ASTN2: variants seen among roughly 807,000 people sequenced by gnomAD.
ASTN2 encodes the protein astrotactin 2, also known as astrotactin-2.
In ASTN2, 54 loss-of-function variants were observed where a neutral mutation model predicts 139.8. The ratio of observed to expected loss-of-function variants is 0.39; its 90% CI spans 0.31 to 0.48. ASTN2 has a LOEUF of 0.48. ASTN2 is among the 20% of genes least tolerant of loss of function. The pLI, the probability that ASTN2 is intolerant of heterozygous loss-of-function variation, is 0.95. For synonymous variants in ASTN2, 756 were observed against 719.5 expected, an observed-to-expected ratio of 1.05 and a Z score of -0.81; for missense variants, 1,565 against 1,725.1, an observed-to-expected ratio of 0.91 and a Z score of 1.64.
chr9:117,174,346 A>G (rs1314770596), intron 3 of ASTN2, among the ~76,000 whole-genome samples: 1 of 152,030 alleles, frequency 6.6e-6, no homozygotes, highest in African/African-American at 2.4e-5. Flanking sequence ...GAAAATAACA[A>G]ATACTAAAAC....
chr9:117,059,796 A>C (rs973572850), intron 5 of ASTN2, among the ~76,000 whole-genome samples: 8 of 152,100 alleles, frequency 5.3e-5, no homozygotes, highest in Admixed American at 4.6e-4. Context: ...TTATTCTCTA[A>C]TCAACAAATA....
intron 19 of ASTN2, among the ~76,000 whole-genome samples, chr9:116,616,464 T>C (rs1261564237): frequency 6.6e-6 from 1 of 152,206 alleles, no homozygotes; most frequent in Non-Finnish European, 1.5e-5. Context: ...GAACAAGCAC[T>C]GTGCTGGGCA....
chr9:116,450,280 G>A (rs1457189609), intron 20 of ASTN2, among the ~76,000 whole-genome samples: 1 of 152,130 alleles, frequency 6.6e-6, no homozygotes, highest in African/African-American at 2.4e-5. Flanking sequence ...TCACAGCATC[G>A]TCAAGGCCTA....
chr9:117,185,912 T>C (rs1459146468), intron 3 of ASTN2, among the ~76,000 whole-genome samples: 2 of 152,060 alleles, frequency 1.3e-5, no homozygotes, highest in African/African-American at 4.8e-5. Flanking sequence ...CAATAGTGTA[T>C]CTCCATGAAG....
intron 10 of ASTN2, among the ~76,000 whole-genome samples, chr9:116,945,328 T>C (rs964764012): frequency 6.6e-6 from 1 of 152,150 alleles, no homozygotes; most frequent in Non-Finnish European, 1.5e-5. Flanking sequence ...GAGTCACACA[T>C]GCAAATGGTA....
chr9:116,724,486 A>G (rs149145978), intron 16 of ASTN2, among the ~76,000 whole-genome samples: 1 of 152,314 alleles, frequency 6.6e-6, no homozygotes. Context: ...CTAGGGTTTT[A>G]TCCAGTTGGG....
At chr9:117,115,220 A>G (rs1829353690) in intron 4 of ASTN2, among the ~76,000 whole-genome samples, 1 of 152,186 alleles carries the variant, frequency 6.6e-6, no homozygotes, top group African/African-American at 2.4e-5. Flanking sequence ...AAATGGGAAT[A>G]TATCTATTCT....
At chr9:116,917,454 C>A (rs1026396004) in intron 10 of ASTN2, among the ~76,000 whole-genome samples, 1 of 152,168 alleles carries the variant, frequency 6.6e-6, no homozygotes, top group Non-Finnish European at 1.5e-5. Context: ...TCAATGTTTA[C>A]TGAGTGAATA....
intron 1 of ASTN2, among the ~76,000 whole-genome samples, chr9:117,304,671 G>A (rs1356333819): frequency 6.6e-6 from 1 of 152,150 alleles, no homozygotes; most frequent in East Asian, 1.9e-4. Context: ...ATGCCTGTTC[G>A]GTGTGTTCAC....
At chr9:116,426,985 C>G (rs1240962690) in intron 22 of ASTN2, among the ~76,000 whole-genome samples, 1 of 152,136 alleles carries the variant, frequency 6.6e-6, no homozygotes, top group African/African-American at 2.4e-5. Context: ...TTATTCCGTA[C>G]TATGGAGGAC....
chr9:117,023,532 C>A (rs1450830686), intron 6 of ASTN2, among the ~76,000 whole-genome samples: 1 of 152,130 alleles, frequency 6.6e-6, no homozygotes, highest in East Asian at 1.9e-4. Flanking sequence ...GCCACTCTCA[C>A]CTGTTGCCAA....
At chr9:116,758,649 GTC>G (rs1829594551) in intron 13 of ASTN2, among the ~76,000 whole-genome samples, 1 of 152,186 alleles carries the variant, frequency 6.6e-6, no homozygotes, top group African/African-American at 2.4e-5. Flanking sequence ...GCAGGGATGT[GTC>G]TCCTTTTTTC....
rs921928073 is a variant in ASTN2 at position 116,981,981 on chromosome 9, C to T, written c.1592-5196G>A. 3.9e-5 allele frequency among the ~76,000 whole-genome samples: 6 copies of T among 152,186 alleles called. No individual in the cohort carries two copies. In the East Asian group the frequency reaches 1.2e-3, roughly 29 times the overall value. ...AAGATTTACTCTTCATGTCTCCTGG[C>T]TGCCATTTGTTGAGGTCTTTTTCTA... On this transcript the variant is annotated intron_variant, in intron 7 of 22. Coordinates refer to ENST00000313400, the MANE Select transcript of ASTN2 (RefSeq NM_001365068.1).
At chr9:116,638,535 C>A (rs368971357) in intron 17 of ASTN2, among the ~76,000 whole-genome samples, 16 of 146,946 alleles carry the variant, frequency 1.1e-4, no homozygotes, top group Non-Finnish European at 7.5e-5. Flanking sequence ...GGGGAATTGC[C>A]AAAAAAAAAA....
At chr9:116,785,993 A>G (rs1830364920) in intron 13 of ASTN2, among the ~76,000 whole-genome samples, 1 of 152,068 alleles carries the variant, frequency 6.6e-6, no homozygotes, top group Non-Finnish European at 1.5e-5. Flanking sequence ...AAAATGGCCC[A>G]TACTTCCCCA....
chr9:116,865,756 T>A (rs1832998799), intron 10 of ASTN2, among the ~76,000 whole-genome samples: 1 of 152,182 alleles, frequency 6.6e-6, no homozygotes, highest in South Asian at 2.1e-4. Context: ...CTGTGTGTGG[T>A]ACCTGCAGGC....
intron 2 of ASTN2, among the ~76,000 whole-genome samples, chr9:117,281,898 C>T (rs1834334453): frequency 6.6e-6 from 1 of 152,152 alleles, no homozygotes; most frequent in Non-Finnish European, 1.5e-5. Flanking sequence ...ATTGCCTCCT[C>T]AGCCTCGGAT....
intron 11 of ASTN2, among the ~76,000 whole-genome samples, chr9:116,847,583 C>T (rs1184306694): frequency 6.6e-6 from 1 of 152,212 alleles, no homozygotes; most frequent in Non-Finnish European, 1.5e-5. Context: ...CTTAATGGCA[C>T]TTATCATGTG....
rs140513879 is a variant in ASTN2, at chr9:116,938,407, C to T, written c.1889+36801G>A. Reference sequence around the variant, plus strand: ...CTTGTTACTCTAAAAATACACCCTCCGAAATCATGCACCTCCAGTTCCAAA... The same window carrying T: ...CTTGTTACTCTAAAAATACACCCTCTGAAATCATGCACCTCCAGTTCCAAA... On this transcript the variant is annotated intron_variant, in intron 10 of 22. Transcript: ENST00000313400. 1.2e-3 allele frequency among the ~76,000 whole-genome samples: 185 copies of T among 152,274 alleles called. 1 individual carries two copies. The highest frequency in any genetic ancestry group is 8.1e-3 in the East Asian group (42 of 5,194).
Sources: allele counts gnomAD v4.1 joint callset (sites outside exome capture counted in the v4.1 genomes callset), GRCh38; gene constraint gnomAD v4.1.1; transcripts MANE v1.5; gene names NCBI Gene and HGNC (gene_info 2026-07-23, HGNC 2026-07-21).